The following PDE1B variants were observed in gnomAD, a reference collection of about 807,000 sequenced individuals.
PDE1B encodes the protein dual specificity calcium/calmodulin-dependent 3',5'-cyclic nucleotide phosphodiesterase 1B.
A neutral mutation model predicts 66.7 loss-of-function variants in PDE1B; 13 were observed. The ratio of observed to expected loss-of-function variants is 0.19; its 90% CI spans 0.13 to 0.31. The LOEUF (loss-of-function observed/expected upper bound fraction) is 0.31, where lower values mean the gene tolerates loss of function less well. PDE1B is among the 10% of genes least tolerant of loss of function. The probability of loss-of-function intolerance (pLI) is 1.00; values close to 1 mark genes in which losing one functional copy is unlikely to be tolerated. For synonymous variants in PDE1B, 230 were observed against 253.9 expected (o/e 0.91, Z 0.90); for missense variants, 485 against 682.3 (o/e 0.71, Z 3.22).
intron 2 of PDE1B, among the ~76,000 whole-genome samples, chr12:54,550,437 A>G (rs1459683015): frequency 6.6e-6 from 1 of 152,250 alleles, no homozygotes; most frequent in African/African-American, 2.4e-5. Flanking sequence ...GATCTACTGC[A>G]TGGGAATACT....
intron 2 of PDE1B, chr12:54,561,638 G>C: frequency 6.5e-7 from 1 of 1,533,254 alleles, no homozygotes; most frequent in South Asian, 1.2e-5. Flanking sequence ...CCATTCTCAG[G>C]TAGGTGCCAG....
chr12:54,561,535 G>A (rs1361174069), intron 2 of PDE1B: 2 of 1,468,298 alleles, frequency 1.4e-6, no homozygotes, highest in Non-Finnish European at 1.8e-6. Flanking sequence ...GGGCCCTGGG[G>A]CTCCTGGGGT....
In PDE1B at chr12:54,569,198, C is replaced by T. The variant is rs371717266; in HGVS notation, c.242C>T (p.Thr81Met). ...TGGGGTCTCAGGCAAATCTTGGACACGGAGGACGAGCTGCAGGAGCTGCGG... is the reference window on the plus strand; with the variant it reads ...TGGGGTCTCAGGCAAATCTTGGACATGGAGGACGAGCTGCAGGAGCTGCGG... ...YIDETRQILDTEDELQELRSD... is the reference protein window; with the variant it reads ...YIDETRQILDMEDELQELRSD... The change falls in exon 4 of 16, where the codon ACG (threonine) becomes ATG (methionine). Residue 81 changes from threonine (T) to methionine (M), a missense_variant. Thr to Met is a moderately conservative substitution (Grantham distance 81, BLOSUM62 -1). This residue lies in a region of PDE1B where 282 missense variants were observed against 453.4 expected (regional missense o/e 0.62). Coordinates refer to ENST00000243052, the MANE Select transcript of PDE1B (RefSeq NM_000924.4). This position sits in a 1 kb window ranked among gnomAD's most constrained non-coding sequence, Gnocchi z 4.4. 1.4e-4 allele frequency: 221 copies of T among 1,606,578 alleles called. No individual in the cohort carries two copies. Among genetic ancestry groups the T allele is most frequent in the Middle Eastern group, 1.0e-3 (6 of 6,028 alleles).
chr12:54,577,768 G>A (rs945887596), intron 15 of PDE1B, 92 bp from the exon 16 acceptor site: 5 of 449,084 alleles, frequency 1.1e-5, no homozygotes, highest in Non-Finnish European at 1.6e-5. Context: ...GCTCTACTCG[G>A]GACTGAGTGG....
chr12:54,563,302 T>G (rs1957452878), intron 2 of PDE1B, among the ~76,000 whole-genome samples: 1 of 152,248 alleles, frequency 6.6e-6, no homozygotes, highest in South Asian at 2.1e-4. Flanking sequence ...TGATTAGGTT[T>G]GTTCTGCCTT....
chr12:54,551,470 T>A (rs1402065316), intron 2 of PDE1B, among the ~76,000 whole-genome samples: 1 of 152,168 alleles, frequency 6.6e-6, no homozygotes, highest in African/African-American at 2.4e-5. Flanking sequence ...GAGCACTGTG[T>A]GATTCTTGAT....
In PDE1B at chr12:54,573,756, G is replaced by A; in HGVS notation, c.1064+47G>A. 7.3e-7 allele frequency: 1 copy of A among 1,377,314 alleles called. No individual in the cohort carries two copies. The highest frequency in any genetic ancestry group is 1.4e-5 in the African/African-American group (1 of 70,402). The allele number at this position is 1,377,314 out of a possible 1,614,324, so 85.3% of individuals were successfully genotyped here. ...CTGGGGCCAGGCCAGAGGGAGGGGT[G>A]TGTGAACTGGGGGGGTATACACAAG... On this transcript the variant is annotated intron_variant, in intron 10 of 15. Transcript: ENST00000243052. This position sits in a 1 kb window ranked among gnomAD's most constrained non-coding sequence, Gnocchi z 5.2.
At position 54,576,686 on chromosome 12, in the gene PDE1B, G is replaced by A. The variant is rs140368041; in HGVS notation, c.1492G>A (p.Glu498Lys). The change falls in exon 14 of 16, where the codon GAA becomes AAA. Residue 498 changes from glutamate (E) to lysine (K), a missense_variant. Physicochemically the swap from Glu to Lys is moderately conservative, Grantham distance 56. Transcript: ENST00000243052. ...TCAGGAGAATAAGCAGAAATGGAAG[G>A]AACGGGCAGCAAGTGGTGGGTACCA... The part of the protein sequence containing the change: ...RIQENKQKWK[E>K]RAASGITNQM... 3.6e-4 allele frequency: 578 copies of A among 1,609,546 alleles called. 1 individual carries two copies. Among genetic ancestry groups the A allele is most frequent in the Admixed American group, 7.1e-4 (42 of 59,266 alleles).
In PDE1B at chr12:54,573,844, T is replaced by A. The variant is rs1957665820; in HGVS notation, c.1064+135T>A. 2.9e-6 allele frequency: 2 copies of A among 680,386 alleles called. No homozygotes were observed. The highest frequency in any genetic ancestry group is 2.1e-5 in the Admixed American group (1 of 47,918). 42.1% of individuals were successfully genotyped at this position (680,386 alleles called of 1,614,324 possible). ...ACTCCACTGGCTTCAGGTATCAGAC[T>A]GCATCTCTATGTGAGAGAGAGAGAG... is the stretch of plus-strand genomic sequence containing the variant. On this transcript the variant is annotated intron_variant, in intron 10 of 15. Coordinates refer to ENST00000243052, the MANE Select transcript of PDE1B (RefSeq NM_000924.4). This position sits in a 1 kb window ranked among gnomAD's most constrained non-coding sequence, Gnocchi z 5.2.
At position 54,576,697 on chromosome 12, in the gene PDE1B, A is replaced by C. The variant is rs200779298; in HGVS notation, c.1503A>C (p.Ala501=). 6.8e-5 allele frequency: 109 copies of C among 1,605,554 alleles called. No homozygotes were observed. The East Asian group carries it at 2.4e-3, about 36-fold the overall frequency. The change falls in exon 14 of 16, where the codon GCA becomes GCC. Residue 501 remains alanine (A), a synonymous_variant. Transcript: ENST00000243052. ...AGCAGAAATGGAAGGAACGGGCAGC[A>C]AGTGGTGGGTACCATGGCAGAGGGC... ...ENKQKWKERA[A]SGITNQMSID...
At chr12:54,558,525 A>T (rs1216652868) in intron 2 of PDE1B, among the ~76,000 whole-genome samples, 1 of 152,176 alleles carries the variant, frequency 6.6e-6, no homozygotes, top group African/African-American at 2.4e-5. Flanking sequence ...CTGTATAGCA[A>T]TGGAAGCCAG....
chr12:54,568,652 C>T (rs915526294), intron 3 of PDE1B, among the ~76,000 whole-genome samples: 5 of 152,064 alleles, frequency 3.3e-5, no homozygotes, highest in African/African-American at 1.2e-4. Flanking sequence ...CAAGACCAGC[C>T]TGGCGTGGTG....
rs755185155 is a variant in PDE1B at position 54,577,361 on chromosome 12, T to A, written c.*17+16T>A. On this transcript the variant is annotated intron_variant, in intron 15 of 15. Transcript: ENST00000243052. The stretch of plus-strand genomic sequence containing the variant: ...GCTGGCCCAGGTGAGCCTGTTGTGG[T>A]GGAGGGTGTAGGAGAGCTGGTGTCT... The A allele has an allele frequency of 5.3e-5, 86 of 1,613,024 alleles. No individual in the cohort carries two copies. Among genetic ancestry groups the A allele is most frequent in the Non-Finnish European group, 7.0e-5 (82 of 1,179,642 alleles).
At position 54,575,753 on chromosome 12, in the gene PDE1B, G is replaced by T. The variant is rs1957729387; in HGVS notation, c.1267+121G>T. On this transcript the variant is annotated intron_variant, in intron 12 of 15. Transcript: ENST00000243052. The surrounding 1 kb of genome is among the most constrained non-coding windows in gnomAD (Gnocchi z 4.0). Reference sequence around the variant, plus strand: ...TTCTTCCTGTAGAGGAAAGCCTACTGTGCTAGAGCATGGGGTCCTGGGTTA... The same window carrying T: ...TTCTTCCTGTAGAGGAAAGCCTACTTTGCTAGAGCATGGGGTCCTGGGTTA... The T allele has an allele frequency of 1.1e-5, 9 of 835,762 alleles. No homozygotes were observed. In the South Asian group the frequency reaches 1.3e-4, roughly 12 times the overall value. The allele number at this position is 835,762 out of a possible 1,614,324, so 51.8% of individuals were successfully genotyped here. A position where few individuals can be genotyped will look rare whatever the true frequency, so the allele number is the denominator to read the frequency against.
At chr12:54,550,188 G>C (rs1957255901) in intron 2 of PDE1B, 1 of 1,408,716 alleles carries the variant, frequency 7.1e-7, no homozygotes, top group Non-Finnish European at 9.2e-7. Context: ...AGTTGGAGCG[G>C]GCTTAGGAGT....
At chr12:54,564,588 T>G (rs571361271) in intron 2 of PDE1B, among the ~76,000 whole-genome samples, 134 of 152,154 alleles carry the variant, frequency 8.8e-4, no homozygotes, top group Non-Finnish European at 1.4e-3. Flanking sequence ...GCCAATGCAC[T>G]CCAGCCTGGG....
At chr12:54,560,612 C>A (rs2121061790) in intron 2 of PDE1B, among the ~76,000 whole-genome samples, 1 of 152,256 alleles carries the variant, frequency 6.6e-6, no homozygotes, top group South Asian at 2.1e-4. Flanking sequence ...GGACTGTGTG[C>A]GCACGTCCAC....
chr12:54,559,199 T>G (rs930860424), intron 2 of PDE1B, among the ~76,000 whole-genome samples: 4 of 151,814 alleles, frequency 2.6e-5, no homozygotes, highest in African/African-American at 9.7e-5. Flanking sequence ...AGCCAGTGAA[T>G]CCCTTCCCGA....
chr12:54,550,047 G>A lies in PDE1B; in HGVS notation c.113+62G>A, dbSNP rs182194997. 1.3e-4 allele frequency: 202 copies of A among 1,576,662 alleles called. 2 individuals carry two copies. In the East Asian group the frequency reaches 3.4e-3, roughly 26 times the overall value. ...TAGGGAGCCTGAGCGGGAGGAGGAG[G>A]GGGGATAACTGGAGCAGGGCTGTGG... On this transcript the variant is annotated intron_variant, in intron 2 of 15. Transcript: ENST00000243052.
Sources: gnomAD v4.1 joint callset for allele counts (sites outside exome capture counted in the v4.1 genomes callset) on GRCh38, gnomAD v4.1.1 for gene constraint, gnomAD v4.1.1 regional missense constraint, Gnocchi (gnomAD v3.1) non-coding constraint, MANE v1.5 for transcripts, NCBI Gene and HGNC (gene_info 2026-07-23, HGNC 2026-07-21) for gene names.